Variants in MAP2K1 observed in about 807,000 individuals in gnomAD.
MAP2K1 encodes the protein mitogen-activated protein kinase kinase 1.
A neutral mutation model predicts 46.3 loss-of-function variants in MAP2K1; 16 were observed. That is an observed-to-expected ratio of 0.35 (90% CI 0.23 to 0.52). MAP2K1 has a LOEUF of 0.52. MAP2K1 is among the 20% of genes least tolerant of loss of function. The probability of loss-of-function intolerance (pLI) is 0.94; values close to 1 mark genes in which losing one functional copy is unlikely to be tolerated. For missense variants in MAP2K1, 263 were observed against 497.1 expected (o/e 0.53, Z 4.48); for synonymous variants, 183 against 185.6 (o/e 0.99, Z 0.11).
Position 66,387,410 on chromosome 15 carries a change from C to G in MAP2K1, c.63C>G (p.Asn21Lys). Residue 21 changes from asparagine (N) to lysine (K), a missense_variant, in exon 1 of 11, where the codon AAC (asparagine) becomes AAG (lysine). By Grantham distance (94) the Asn-to-Lys change is moderately conservative. Coordinates refer to ENST00000307102, the MANE Select transcript of MAP2K1 (RefSeq NM_002755.4). ...LNPAPDGSAV[N>K]GTSSAETNLE... ...CGGCCCCCGACGGCTCTGCAGTTAA[C>G]GGGACCAGCTCTGCGGAGTAAGTAT... 6.4e-7 allele frequency: 1 copy of G among 1,561,456 alleles called. No individual in the cohort carries two copies. Among genetic ancestry groups the G allele is most frequent in the Non-Finnish European group, 8.7e-7 (1 of 1,152,112 alleles).
intron 5 of MAP2K1, among the ~76,000 whole-genome samples, chr15:66,452,294 A>AG (rs1555417511): frequency 1.2e-3 from 34 of 27,240 alleles, no homozygotes; most frequent in Non-Finnish European, 5.3e-4. Flanking sequence ...TAATAAAAAA[A>AG]AAAAAAAAAG....
intron 1 of MAP2K1, among the ~76,000 whole-genome samples, chr15:66,388,974 T>G (rs1361276754): frequency 6.6e-6 from 1 of 150,434 alleles, no homozygotes; most frequent in African/African-American, 2.5e-5. Context: ...TGGTGCGATC[T>G]TGGCTAACTG....
chr15:66,456,703 C>T (rs1234836110), intron 5 of MAP2K1, among the ~76,000 whole-genome samples: 1 of 152,168 alleles, frequency 6.6e-6, no homozygotes, highest in African/African-American at 2.4e-5. Flanking sequence ...ATGGCTGGAC[C>T]ATTCACTGTG....
chr15:66,426,128 C>T (rs149918726), intron 1 of MAP2K1, among the ~76,000 whole-genome samples: 24 of 127,678 alleles, frequency 1.9e-4, no homozygotes, highest in African/African-American at 7.1e-4. Context: ...CCTGGGAATA[C>T]GTAAGTGTTT....
At chr15:66,467,718 G>A (rs1168031350) in intron 5 of MAP2K1, among the ~76,000 whole-genome samples, 1 of 152,100 alleles carries the variant, frequency 6.6e-6, no homozygotes, top group African/African-American at 2.4e-5. Context: ...CTGCCACCAC[G>A]CCCAACTAAT....
chr15:66,418,104 G>A (rs2093428706), intron 1 of MAP2K1, among the ~76,000 whole-genome samples: 1 of 152,190 alleles, frequency 6.6e-6, no homozygotes, highest in Non-Finnish European at 1.5e-5. Context: ...AGCTCAAAAG[G>A]CCCCGTTGCA....
chr15:66,476,921 C>G lies in MAP2K1; in HGVS notation c.569-4834C>G, dbSNP rs574367756. ...TTTCTGTCCCCAGAGAAGAGCTAGA[C>G]TTGGGTGTGGCAGGAGCAGGGGCAA... is the stretch of plus-strand genomic sequence containing the variant. On this transcript the variant is annotated intron_variant, in intron 5 of 10. Coordinates refer to ENST00000307102, the MANE Select transcript of MAP2K1 (RefSeq NM_002755.4). 2.4e-3 allele frequency among the ~76,000 whole-genome samples: 369 copies of G among 152,232 alleles called. 4 individuals carry two copies. The highest frequency in any genetic ancestry group is 8.7e-3 in the African/African-American group (361 of 41,550).
intron 7 of MAP2K1, among the ~76,000 whole-genome samples, chr15:66,485,699 G>A (rs747789941): frequency 1.3e-5 from 2 of 151,918 alleles, no homozygotes; most frequent in African/African-American, 4.8e-5. Flanking sequence ...CTACCTCAGC[G>A]TCCTGAGTAG....
chr15:66,388,168 C>T (rs572734685), intron 1 of MAP2K1, among the ~76,000 whole-genome samples: 8 of 152,210 alleles, frequency 5.3e-5, no homozygotes, highest in African/African-American at 9.7e-5. Context: ...CTAGAAACCA[C>T]ATGCTAGGTG....
chr15:66,443,373 A>C lies in MAP2K1; in HGVS notation c.516+16A>C, dbSNP rs1001637882. ...TAGCATTGCTGTGAGTATGTTATGA[A>C]GTTTTTCTTCTAAGTTCCTCATTGA... On this transcript the variant is annotated intron_variant, in intron 4 of 10. Coordinates refer to ENST00000307102, the MANE Select transcript of MAP2K1 (RefSeq NM_002755.4). 3.3e-6 allele frequency: 5 copies of C among 1,517,450 alleles called. No homozygotes were observed. The highest frequency in any genetic ancestry group is 4.6e-6 in the Non-Finnish European group (5 of 1,092,090). The allele number at this position is 1,517,450 out of a possible 1,614,324, so 94.0% of individuals were successfully genotyped here.
intron 1 of MAP2K1, among the ~76,000 whole-genome samples, chr15:66,394,993 G>C (rs1382544967): frequency 6.6e-6 from 1 of 152,148 alleles, no homozygotes; most frequent in Non-Finnish European, 1.5e-5. Flanking sequence ...AAATATATGG[G>C]ACTCTTGTTT....
At chr15:66,447,686 C>CAAAA (rs34064163) in intron 5 of MAP2K1, among the ~76,000 whole-genome samples, 3 of 136,600 alleles carry the variant, frequency 2.2e-5, no homozygotes, top group Non-Finnish European at 3.1e-5. Context: ...GACTCTGTCT[C>CAAAA]AAAAAAAAAA....
At chr15:66,471,199 C>T (rs553606523) in intron 5 of MAP2K1, among the ~76,000 whole-genome samples, 16 of 152,238 alleles carry the variant, frequency 1.1e-4, no homozygotes, top group African/African-American at 3.9e-4. Flanking sequence ...TTTCCTTTCA[C>T]AGGGGCCATG....
Position 66,405,539 on chromosome 15 carries a change from A to G in MAP2K1, c.80+18112A>G, listed in dbSNP as rs560223713. Among the ~76,000 whole-genome samples, 70 of 152,324 alleles carry G rather than the reference A, an allele frequency of 4.6e-4. No individual in the cohort carries two copies. The South Asian group carries it at 7.9e-3, about 17-fold the overall frequency. On this transcript the variant is annotated intron_variant, in intron 1 of 10. Coordinates refer to ENST00000307102, the MANE Select transcript of MAP2K1 (RefSeq NM_002755.4). Reference sequence around the variant, plus strand: ...TTCCACAAAGGAGAAAATGAGGGACAAAGAAAGGAAGTAACGTTCAGCATC... The same window carrying G: ...TTCCACAAAGGAGAAAATGAGGGACGAAGAAAGGAAGTAACGTTCAGCATC...
chr15:66,428,444 C>T (rs767376529), intron 1 of MAP2K1, among the ~76,000 whole-genome samples: 4 of 151,986 alleles, frequency 2.6e-5, no homozygotes, highest in Admixed American at 6.6e-5. Context: ...GGGTTGCATG[C>T]GGTTCAAGTC....
At chr15:66,407,123 T>C (rs760698110) in intron 1 of MAP2K1, among the ~76,000 whole-genome samples, 31 of 151,982 alleles carry the variant, frequency 2.0e-4, no homozygotes, top group Non-Finnish European at 4.1e-4. Context: ...GAGGGCTCCG[T>C]GTATTGTTTT....
At chr15:66,408,158 A>G (rs1236533809) in intron 1 of MAP2K1, among the ~76,000 whole-genome samples, 3 of 152,240 alleles carry the variant, frequency 2.0e-5, no homozygotes, top group Non-Finnish European at 4.4e-5. Flanking sequence ...GATTAACAAG[A>G]CTAATGATAA....
At chr15:66,446,181 C>T (rs1287472448) in intron 5 of MAP2K1, among the ~76,000 whole-genome samples, 6 of 152,142 alleles carry the variant, frequency 3.9e-5, no homozygotes, top group African/African-American at 1.2e-4. Context: ...GATTGCGCCA[C>T]TGCACTCCAG....
rs1311384148 is a variant in MAP2K1 at position 66,387,318 on chromosome 15, G to A, written c.-30G>A. 6.5e-7 allele frequency: 1 copy of A among 1,530,126 alleles called. No individual in the cohort carries two copies. Among genetic ancestry groups the A allele is most frequent in the East Asian group, 2.5e-5 (1 of 40,618 alleles). The allele number at this position is 1,530,126 out of a possible 1,614,324, so 94.8% of individuals were successfully genotyped here. Reference sequence around the variant, plus strand: ...AAGCGAGAGGTGCTGCCCTCCCCCCGGAGTTGGAAGCGCGTTACCCGGGTC... The same window carrying A: ...AAGCGAGAGGTGCTGCCCTCCCCCCAGAGTTGGAAGCGCGTTACCCGGGTC... On this transcript the variant is annotated 5_prime_UTR_variant, in exon 1 of 11. Coordinates refer to ENST00000307102, the MANE Select transcript of MAP2K1 (RefSeq NM_002755.4).
Sources: gnomAD v4.1 joint callset for allele counts (sites outside exome capture counted in the v4.1 genomes callset) on GRCh38, gnomAD v4.1.1 for gene constraint, MANE v1.5 for transcripts, NCBI Gene and HGNC (gene_info 2026-07-23, HGNC 2026-07-21) for gene names.